Variants in MACROD2 observed in about 807,000 individuals in gnomAD.
The protein encoded by MACROD2 is ADP-ribose glycohydrolase MACROD2.
In MACROD2, 36 loss-of-function variants were observed where a neutral mutation model predicts 70.4. The ratio of observed to expected loss-of-function variants is 0.51; its 90% confidence interval spans 0.39 to 0.68. The LOEUF is 0.68. Among genes scored for constraint, MACROD2 ranks in the 30% least tolerant of loss-of-function variants. The pLI, the probability that MACROD2 is intolerant of heterozygous loss-of-function variation, is 0.00. For synonymous variants in MACROD2, 172 were observed against 178.8 expected, an observed-to-expected ratio of 0.96 and a Z score of 0.30; for missense variants, 496 against 538.4, an observed-to-expected ratio of 0.92 and a Z score of 0.78.
intron 4 of MACROD2, among the ~76,000 whole-genome samples, chr20:14,635,944 T>C (rs1007000919): frequency 1.3e-5 from 2 of 152,152 alleles, no homozygotes; most frequent in Admixed American, 1.3e-4. Context: ...AATACAAAAT[T>C]TTAGGAACAT....
intron 6 of MACROD2, among the ~76,000 whole-genome samples, chr20:15,263,611 C>T (rs561499393): frequency 7.4e-4 from 112 of 152,062 alleles, no homozygotes; most frequent in Admixed American, 2.1e-3. Context: ...ATCTGTATCT[C>T]GCTTTGGGTA....
At chr20:14,862,646 T>TAAATATATATAAATATATATATATAA (rs1454832908) in intron 5 of MACROD2, among the ~76,000 whole-genome samples, 1 of 4,784 alleles carries the variant, frequency 2.1e-4, no homozygotes, top group Non-Finnish European at 3.8e-4. Context: ...TATATAAATA[T>TAAATATATATAAATATATATATATAA]ATATATATAA....
chr20:15,771,068 G>A (rs1407234233), intron 8 of MACROD2, among the ~76,000 whole-genome samples: 1 of 152,146 alleles, frequency 6.6e-6, no homozygotes, highest in African/African-American at 2.4e-5. Flanking sequence ...ATCATACACT[G>A]AAATGCCTTC....
chr20:15,785,990 C>T (rs2051919082), intron 8 of MACROD2, among the ~76,000 whole-genome samples: 2 of 152,008 alleles, frequency 1.3e-5, no homozygotes, highest in Non-Finnish European at 2.9e-5. Context: ...TTCTGGTTAA[C>T]ATGTTTTATC....
Position 14,154,323 on chromosome 20 carries a change from A to T in MACROD2, c.271+68595A>T, listed in dbSNP as rs115025987. Among the ~76,000 whole-genome samples the T allele has an allele frequency of 5.4e-3, 822 of 152,112 alleles. 8 individuals carry two copies. The highest frequency in any genetic ancestry group is 0.038 in the Middle Eastern group (11 of 292). The stretch of plus-strand genomic sequence containing the variant: ...AATACCAGCAACAAAGGGAAATTCC[A>T]TGGGCGCTGAAAATGGAACCTGCTG... On this transcript the variant is annotated intron_variant, in intron 3 of 17. Coordinates refer to ENST00000684519, the MANE Select transcript of MACROD2 (RefSeq NM_001351661.2).
chr20:14,930,795 A>T (rs1600841519), intron 5 of MACROD2, among the ~76,000 whole-genome samples: 1 of 124,294 alleles, frequency 8.0e-6, no homozygotes, highest in Admixed American at 8.9e-5. Context: ...AAAAAAGTCT[A>T]TCTCCTGTTC....
chr20:14,682,563 C>T (rs1807600600), intron 4 of MACROD2, among the ~76,000 whole-genome samples: 1 of 151,742 alleles, frequency 6.6e-6, no homozygotes, highest in African/African-American at 2.4e-5. Flanking sequence ...ATGTACTTTT[C>T]TAAACCTGGC....
chr20:15,970,287 T>C (rs2066210524), intron 13 of MACROD2, among the ~76,000 whole-genome samples: 1 of 152,114 alleles, frequency 6.6e-6, no homozygotes, highest in African/African-American at 2.4e-5. Flanking sequence ...AGGTAAATGG[T>C]AGTTACTGGA....
At chr20:14,806,988 G>A (rs2072647190) in intron 5 of MACROD2, among the ~76,000 whole-genome samples, 1 of 152,154 alleles carries the variant, frequency 6.6e-6, no homozygotes. Context: ...CAGAGCACCT[G>A]GGAGAAGGAG....
intron 15 of MACROD2, among the ~76,000 whole-genome samples, chr20:16,015,168 A>G (rs1410239036): frequency 2.0e-5 from 3 of 152,230 alleles, no homozygotes; most frequent in African/African-American, 7.2e-5. Context: ...ATTTAACAAT[A>G]TTGTTATAAA....
chr20:14,820,359 T>G (rs1396973293), intron 5 of MACROD2, among the ~76,000 whole-genome samples: 1 of 42,008 alleles, frequency 2.4e-5, no homozygotes, highest in Non-Finnish European at 7.9e-5. Context: ...TTTTCTTCCT[T>G]TTTTTTTTTT....
chr20:14,087,881 A>G (rs535918399), intron 3 of MACROD2, among the ~76,000 whole-genome samples: 1 of 152,274 alleles, frequency 6.6e-6, no homozygotes, highest in African/African-American at 2.4e-5. Flanking sequence ...CATAAAAGAT[A>G]TATGTGTGTG....
chr20:15,678,376 T>C (rs1386838742), intron 8 of MACROD2, among the ~76,000 whole-genome samples: 2 of 151,640 alleles, frequency 1.3e-5, no homozygotes. Context: ...TTTTTTTTTT[T>C]TGAGACGGAG....
chr20:14,910,187 C>T (rs1236092672), intron 5 of MACROD2, among the ~76,000 whole-genome samples: 1 of 152,142 alleles, frequency 6.6e-6, no homozygotes, highest in Admixed American at 6.5e-5. Context: ...TTGGTGTGCT[C>T]AAGACCTGAT....
intron 5 of MACROD2, among the ~76,000 whole-genome samples, chr20:15,144,499 C>G (rs1256059311): frequency 6.6e-6 from 1 of 152,170 alleles, no homozygotes; most frequent in Non-Finnish European, 1.5e-5. Context: ...TTCCAGTTTT[C>G]AAACAAAACA....
At chr20:15,904,073 T>C (rs1046291950) in intron 10 of MACROD2, among the ~76,000 whole-genome samples, 2 of 152,222 alleles carry the variant, frequency 1.3e-5, no homozygotes, top group Non-Finnish European at 2.9e-5. Flanking sequence ...AAACAGTTCT[T>C]CACTATTCAT....
At chr20:14,153,289 A>G (rs1569181811) in intron 3 of MACROD2, among the ~76,000 whole-genome samples, 1 of 152,208 alleles carries the variant, frequency 6.6e-6, no homozygotes, top group Non-Finnish European at 1.5e-5. Flanking sequence ...GCAGGAGTAT[A>G]TATAGAGAAA....
chr20:15,534,407 A>T (rs1049277844), intron 8 of MACROD2, among the ~76,000 whole-genome samples: 5 of 152,248 alleles, frequency 3.3e-5, no homozygotes, highest in Non-Finnish European at 5.9e-5. Context: ...TTATTTTAAA[A>T]TATCCACATT....
intron 8 of MACROD2, among the ~76,000 whole-genome samples, chr20:15,566,550 T>C (rs1257478486): frequency 6.6e-6 from 1 of 152,132 alleles, no homozygotes; most frequent in Non-Finnish European, 1.5e-5. Context: ...TGATTTTGCT[T>C]ACTGTATGAC....
Sources: allele counts gnomAD v4.1 joint callset (sites outside exome capture counted in the v4.1 genomes callset), GRCh38; gene constraint gnomAD v4.1.1; transcripts MANE v1.5; gene names NCBI Gene and HGNC (gene_info 2026-07-23, HGNC 2026-07-21).